Variants in ST8SIA6 observed in about 807,000 individuals in gnomAD.
The protein encoded by ST8SIA6 is alpha-2,8-sialyltransferase 8F.
In ST8SIA6, 39 loss-of-function variants were observed where a neutral mutation model predicts 33.6. The ratio of observed to expected loss-of-function variants is 1.16; its 90% confidence interval spans 0.90 to 1.52. The LOEUF is 1.52. Ranked by LOEUF, ST8SIA6 falls within the 40% of genes most tolerant of loss-of-function variation. The pLI, the probability that ST8SIA6 is intolerant of heterozygous loss-of-function variation, is 0.00. For missense variants in ST8SIA6, 441 were observed against 443.8 expected (o/e 0.99, Z 0.06); for synonymous variants, 172 against 167.2 (o/e 1.03, Z -0.22).
chr10:17,386,076 G>A (rs781220833), intron 3 of ST8SIA6, among the ~76,000 whole-genome samples: 12 of 152,136 alleles, frequency 7.9e-5, no homozygotes, highest in Non-Finnish European at 1.5e-4. Flanking sequence ...GGCTATTCAG[G>A]AAGCTGAGGC....
At chr10:17,437,659 TTCC>T (rs778055197) in intron 2 of ST8SIA6, among the ~76,000 whole-genome samples, 9,650 of 126,084 alleles carry the variant, frequency 0.077, 540 homozygotes, top group African/African-American at 0.092. Flanking sequence ...CCTTCCTTCC[TTCC>T]TTCTGTCTCT....
chr10:17,318,558 T>C lies in ST8SIA6; in HGVS notation c.*2320A>G. ...CTAGTACCAGAACTCAGACTTTCCA[T>C]TCTCAATGCCCTTAGATGTACTTGA... is the stretch of plus-strand genomic sequence containing the variant. On this transcript the variant is annotated 3_prime_UTR_variant, in exon 8 of 8. Coordinates refer to ENST00000377602, the MANE Select transcript of ST8SIA6 (RefSeq NM_001004470.3). The C allele has an allele frequency of 2.5e-6, 1 of 401,032 alleles. No homozygotes were observed. Among genetic ancestry groups the C allele is most frequent in the East Asian group, 7.1e-5 (1 of 14,026 alleles). 24.8% of individuals were successfully genotyped at this position (401,032 alleles called of 1,614,324 possible).
intron 2 of ST8SIA6, among the ~76,000 whole-genome samples, chr10:17,449,936 T>A: frequency 6.6e-6 from 1 of 152,216 alleles, no homozygotes; most frequent in East Asian, 1.9e-4. Context: ...AATAGATCAC[T>A]TCTTGGGCAG....
At chr10:17,335,377 T>C (rs1564406243) in intron 4 of ST8SIA6, among the ~76,000 whole-genome samples, 1 of 152,236 alleles carries the variant, frequency 6.6e-6, no homozygotes, top group Admixed American at 6.5e-5. Flanking sequence ...ATGTTTCTAC[T>C]GAATTTTGCC....
chr10:17,378,902 G>A (rs913993187), intron 3 of ST8SIA6, among the ~76,000 whole-genome samples: 11 of 152,146 alleles, frequency 7.2e-5, no homozygotes, highest in South Asian at 2.1e-4. Flanking sequence ...CAAGGCGGGC[G>A]GATCATGAGG....
intron 2 of ST8SIA6, among the ~76,000 whole-genome samples, chr10:17,448,306 A>G (rs112335551): frequency 2.1e-3 from 316 of 152,330 alleles, no homozygotes; most frequent in African/African-American, 7.3e-3. Context: ...CCAATGAAAC[A>G]GACACCAACT....
chr10:17,362,643 G>A (rs926046014), intron 3 of ST8SIA6, among the ~76,000 whole-genome samples: 1 of 152,064 alleles, frequency 6.6e-6, no homozygotes, highest in African/African-American at 2.4e-5. Context: ...GGACTTTGAG[G>A]ACTGACCTTT....
chr10:17,364,045 T>C lies in ST8SIA6; in HGVS notation c.291-4445A>G, dbSNP rs576095335. On this transcript the variant is annotated intron_variant, in intron 3 of 7. Transcript: ENST00000377602. ...ACTACCTTAGCAAATTAAAGATTAC[T>C]TTATTACTACCAAAATTTTGTGCAA... is the stretch of plus-strand genomic sequence containing the variant. 2.0e-5 allele frequency among the ~76,000 whole-genome samples: 3 copies of C among 149,580 alleles called. No individual in the cohort carries two copies. The South Asian group carries it at 6.4e-4, about 32-fold the overall frequency.
chr10:17,351,424 G>A (rs1399917319), intron 4 of ST8SIA6, among the ~76,000 whole-genome samples: 2 of 148,928 alleles, frequency 1.3e-5, no homozygotes, highest in Non-Finnish European at 3.0e-5. Context: ...AAAAATTTTA[G>A]TACTGTAACC....
At chr10:17,355,041 A>G (rs1397107909) in intron 4 of ST8SIA6, among the ~76,000 whole-genome samples, 1 of 152,230 alleles carries the variant, frequency 6.6e-6, no homozygotes, top group African/African-American at 2.4e-5. Context: ...TAAAAAGAGG[A>G]CAAACCCCCT....
intron 2 of ST8SIA6, among the ~76,000 whole-genome samples, chr10:17,405,159 A>T (rs1044873605): frequency 2.0e-5 from 3 of 152,140 alleles, no homozygotes; most frequent in African/African-American, 4.8e-5. Context: ...GGTTGAGCCC[A>T]GGAGTTCGAA....
At chr10:17,446,301 G>GA (rs778712970) in intron 2 of ST8SIA6, among the ~76,000 whole-genome samples, 2 of 152,080 alleles carry the variant, frequency 1.3e-5, no homozygotes, top group South Asian at 2.1e-4. Context: ...AAAATGCAGA[G>GA]AAAAATCATA....
At chr10:17,450,691 C>T (rs779732787) in intron 2 of ST8SIA6, among the ~76,000 whole-genome samples, 3 of 152,206 alleles carry the variant, frequency 2.0e-5, no homozygotes, top group Non-Finnish European at 2.9e-5. Context: ...ATCCACTCAC[C>T]TCTGCCTCCC....
At chr10:17,370,192 C>T (rs1192903309) in intron 3 of ST8SIA6, among the ~76,000 whole-genome samples, 1 of 152,030 alleles carries the variant, frequency 6.6e-6, no homozygotes, top group Non-Finnish European at 1.5e-5. Flanking sequence ...ACCATGTTAG[C>T]CAGGATGGTT....
chr10:17,371,782 T>TAAAAAAAAAA (rs202019274), intron 3 of ST8SIA6, among the ~76,000 whole-genome samples: 7 of 89,444 alleles, frequency 7.8e-5, no homozygotes, highest in Non-Finnish European at 1.1e-4. Context: ...CAAGACTCCA[T>TAAAAAAAAAA]TAAAAAAAAA....
chr10:17,315,563 C>T lies in ST8SIA6; in HGVS notation c.*5315G>A, dbSNP rs1847744157. Among the ~76,000 whole-genome samples the T allele has an allele frequency of 6.6e-6, 1 of 152,074 alleles. No homozygotes were observed. The highest frequency in any genetic ancestry group is 2.4e-5 in the African/African-American group (1 of 41,540). ...TAAATAAAGGCATAAACTACAGATACACAATCAACATGAATGAGTTTTAAT... is the reference window on the plus strand; with the variant it reads ...TAAATAAAGGCATAAACTACAGATATACAATCAACATGAATGAGTTTTAAT... On this transcript the variant is annotated 3_prime_UTR_variant, in exon 8 of 8. Coordinates refer to ENST00000377602, the MANE Select transcript of ST8SIA6 (RefSeq NM_001004470.3).
At position 17,320,852 on chromosome 10, in the gene ST8SIA6, A is replaced by C. The variant is rs1329656656; in HGVS notation, c.*26T>G. The C allele has an allele frequency of 6.2e-7, 1 of 1,605,210 alleles. No individual in the cohort carries two copies. Among genetic ancestry groups the C allele is most frequent in the Admixed American group, 1.7e-5 (1 of 59,802 alleles). ...TAATCACCTACTGCATTATATTAAA[A>C]TTATTCCCATTTTAAGATACTTTGT... On this transcript the variant is annotated 3_prime_UTR_variant, in exon 8 of 8. Coordinates refer to ENST00000377602, the MANE Select transcript of ST8SIA6 (RefSeq NM_001004470.3).
intron 2 of ST8SIA6, among the ~76,000 whole-genome samples, chr10:17,400,627 A>G (rs1851000885): frequency 1.3e-5 from 2 of 152,348 alleles, no homozygotes; most frequent in East Asian, 1.9e-4. Context: ...GGTTCAACAT[A>G]CGCAAATCAC....
intron 2 of ST8SIA6, among the ~76,000 whole-genome samples, chr10:17,414,599 G>A (rs1463737529): frequency 1.3e-5 from 2 of 152,118 alleles, no homozygotes; most frequent in East Asian, 1.9e-4. Context: ...TGTTGGCATC[G>A]TTGGTACCTG....
Sources: allele counts gnomAD v4.1 joint callset (sites outside exome capture counted in the v4.1 genomes callset), GRCh38; gene constraint gnomAD v4.1.1; transcripts MANE v1.5; gene names NCBI Gene and HGNC (gene_info 2026-07-23, HGNC 2026-07-21).